Variants in CALN1 observed in about 807,000 individuals in gnomAD.
The protein encoded by CALN1 is calcium-binding protein 8.
CALN1 carries 17 observed loss-of-function variants against 30.6 expected under a neutral mutation model. That is an observed-to-expected ratio of 0.56 (90% confidence interval 0.38 to 0.83). The LOEUF (loss-of-function observed/expected upper bound fraction) is 0.83. Ranked by LOEUF, CALN1 falls within the 40% of genes least tolerant of loss-of-function variation. The pLI is 0.00. For synonymous variants in CALN1, 156 were observed against 131.4 expected, an observed-to-expected ratio of 1.19 and a Z score of -1.28; for missense variants, 291 against 354.9, an observed-to-expected ratio of 0.82 and a Z score of 1.45.
intron 3 of CALN1, among the ~76,000 whole-genome samples, chr7:72,144,614 C>A (rs1192102592): frequency 6.6e-6 from 1 of 152,114 alleles, no homozygotes; most frequent in Non-Finnish European, 1.5e-5. Flanking sequence ...AGCTCTGCAC[C>A]AAACAGACCT....
At chr7:72,044,746 G>A (rs1396313376) in intron 4 of CALN1, among the ~76,000 whole-genome samples, 1 of 151,620 alleles carries the variant, frequency 6.6e-6, no homozygotes, top group Admixed American at 6.6e-5. Flanking sequence ...TGAGTAGCCA[G>A]GACTACAGGG....
intron 2 of CALN1, among the ~76,000 whole-genome samples, chr7:72,351,499 A>G (rs181481387): frequency 6.6e-6 from 1 of 152,348 alleles, no homozygotes; most frequent in Non-Finnish European, 1.5e-5. Flanking sequence ...ATATTACCCA[A>G]TGCATTTATG....
At position 72,110,461 on chromosome 7, in the gene CALN1, C is replaced by A. The variant is rs371317906; in HGVS notation, c.245-4167G>T. Among the ~76,000 whole-genome samples, 7 of 152,322 alleles carry A rather than the reference C, an allele frequency of 4.6e-5. No homozygotes were observed. In the East Asian group the frequency reaches 7.7e-4, roughly 17 times the overall value. On this transcript the variant is annotated intron_variant, in intron 3 of 6. Transcript: ENST00000395275. ...TGTAGCAAGGCTGGCCTCCTCCAAC[C>A]AAGCCCAGGACAGCGCAGGCCACAC...
At chr7:71,816,283 T>C (rs1025147431) in intron 5 of CALN1, among the ~76,000 whole-genome samples, 1 of 152,192 alleles carries the variant, frequency 6.6e-6, no homozygotes, top group Non-Finnish European at 1.5e-5. Flanking sequence ...CAAACTTGTT[T>C]TCTGCATTAG....
rs1254855083 is a variant in CALN1, at chr7:71,851,349, C to T, written c.502-40857G>A. Among the ~76,000 whole-genome samples the T allele has an allele frequency of 2.3e-5, 3 of 132,410 alleles. No homozygotes were observed. The East Asian group carries it at 6.1e-4, about 27-fold the overall frequency. The allele number at this position is 132,410 out of a possible 152,430, so 86.9% of individuals were successfully genotyped here. On this transcript the variant is annotated intron_variant, in intron 5 of 6. Coordinates refer to ENST00000395275, the MANE Select transcript of CALN1 (RefSeq NM_031468.4). ...TGGTCAACATGCCAAAACCCCATCT[C>T]TACTAAAAAAAATACAAAAATTAGC...
At position 72,401,986 on chromosome 7, in the gene CALN1, G is replaced by A. The variant is rs149438234; in HGVS notation, c.119+1265C>T. On this transcript the variant is annotated intron_variant, in intron 2 of 6. Transcript: ENST00000395275. The stretch of plus-strand genomic sequence containing the variant: ...AAAAGTCCAACCATGCCTGCCTTTG[G>A]TGGAAGGTCCTCTCCTGGAAGGGAT... Among the ~76,000 whole-genome samples, 51 of 152,270 alleles carry A rather than the reference G, an allele frequency of 3.3e-4. No individual in the cohort carries two copies. In the East Asian group the frequency reaches 8.1e-3, roughly 24 times the overall value.
At chr7:72,374,524 C>G (rs1386941619) in intron 2 of CALN1, among the ~76,000 whole-genome samples, 4 of 128,390 alleles carry the variant, frequency 3.1e-5, no homozygotes, top group Non-Finnish European at 6.4e-5. Flanking sequence ...GAGAGACACT[C>G]TGTCTCCAAA....
At chr7:72,000,150 A>G (rs1799455505) in intron 5 of CALN1, among the ~76,000 whole-genome samples, 1 of 152,176 alleles carries the variant, frequency 6.6e-6, no homozygotes, top group Admixed American at 6.5e-5. Flanking sequence ...AAAGCTACAA[A>G]GCAGGTGGAA....
At position 72,141,362 on chromosome 7, in the gene CALN1, G is replaced by A. The variant is rs557691921; in HGVS notation, c.245-35068C>T. 2.0e-5 allele frequency among the ~76,000 whole-genome samples: 3 copies of A among 152,238 alleles called. No individual in the cohort carries two copies. The East Asian group carries it at 5.8e-4, about 30-fold the overall frequency. The stretch of plus-strand genomic sequence containing the variant: ...CACCTGCAATCCTAGCACTTTGGGA[G>A]GCTGAAGCAAGTGGATCACCTGAGG... On this transcript the variant is annotated intron_variant, in intron 3 of 6. Coordinates refer to ENST00000395275, the MANE Select transcript of CALN1 (RefSeq NM_031468.4).
At chr7:72,245,113 C>T (rs1005053588) in intron 3 of CALN1, among the ~76,000 whole-genome samples, 2 of 152,180 alleles carry the variant, frequency 1.3e-5, no homozygotes, top group African/African-American at 4.8e-5. Flanking sequence ...AATGAGGTGA[C>T]GTAGACAGAA....
intron 4 of CALN1, among the ~76,000 whole-genome samples, chr7:72,061,885 C>T (rs1803680692): frequency 6.6e-6 from 1 of 151,228 alleles, no homozygotes; most frequent in Non-Finnish European, 1.5e-5. Context: ...ATAATACATC[C>T]TCAAACATAT....
intron 5 of CALN1, among the ~76,000 whole-genome samples, chr7:72,021,198 C>T (rs907003995): frequency 1.3e-5 from 2 of 152,066 alleles, no homozygotes; most frequent in African/African-American, 4.8e-5. Context: ...TCACTTGAGT[C>T]CAGGAGTTCA....
the CALN1 span, among the ~76,000 whole-genome samples, chr7:72,455,229 G>A: frequency 6.6e-6 from 1 of 151,982 alleles, no homozygotes; most frequent in African/African-American, 2.4e-5. Context: ...TTGAGCCCAG[G>A]AGTTTGAAGC....
the CALN1 span, among the ~76,000 whole-genome samples, chr7:72,474,732 G>A: frequency 6.6e-6 from 1 of 150,960 alleles, no homozygotes; most frequent in Non-Finnish European, 1.5e-5. Context: ...TCCCTAAAAC[G>A]ATAAAACCCA....
intron 4 of CALN1, among the ~76,000 whole-genome samples, chr7:72,034,766 C>A (rs1051456499): frequency 8.3e-6 from 1 of 120,440 alleles, no homozygotes; most frequent in Non-Finnish European, 1.6e-5. Context: ...TCAGCCTGGG[C>A]GACAGAATGA....
At chr7:72,008,141 T>C (rs936060806) in intron 5 of CALN1, among the ~76,000 whole-genome samples, 2 of 152,136 alleles carry the variant, frequency 1.3e-5, no homozygotes, top group African/African-American at 4.8e-5. Flanking sequence ...CATATTATGT[T>C]TGCAGAAATC....
intron 3 of CALN1, among the ~76,000 whole-genome samples, chr7:72,221,371 G>A (rs1793286337): frequency 7.2e-6 from 1 of 139,702 alleles, no homozygotes; most frequent in South Asian, 2.3e-4. Flanking sequence ...AGGCTGGAGT[G>A]CAGTGGCGTG....
In CALN1 at chr7:71,873,034, C is replaced by T. The variant is rs1792033627; in HGVS notation, c.502-62542G>A. On this transcript the variant is annotated intron_variant, in intron 5 of 6. Coordinates refer to ENST00000395275, the MANE Select transcript of CALN1 (RefSeq NM_031468.4). ...TTTTTTTTTTTTTGAGATGGAGTCT[C>T]ACCCTGTCACCCAGTCTGGAGTGCA... Among the ~76,000 whole-genome samples, 4 of 130,850 alleles carry T rather than the reference C, an allele frequency of 3.1e-5. No individual in the cohort carries two copies. The South Asian group carries it at 9.3e-4, about 30-fold the overall frequency. The allele number at this position is 130,850 out of a possible 152,430, so 85.8% of individuals were successfully genotyped here. A position where few individuals can be genotyped will look rare whatever the true frequency, so the allele number is the denominator to read the frequency against.
intron 5 of CALN1, among the ~76,000 whole-genome samples, chr7:71,906,386 C>T (rs575022408): frequency 2.0e-5 from 3 of 152,138 alleles, no homozygotes; most frequent in East Asian, 1.9e-4. Flanking sequence ...CCAGAGACTC[C>T]GAATGGGTGG....
Sources: gnomAD v4.1 joint callset for allele counts (sites outside exome capture counted in the v4.1 genomes callset) on GRCh38, gnomAD v4.1.1 for gene constraint, MANE v1.5 for transcripts, NCBI Gene and HGNC (gene_info 2026-07-23, HGNC 2026-07-21) for gene names.